The following SYTL1 variants were observed in gnomAD, a reference collection of about 807,000 sequenced individuals.
The protein encoded by SYTL1 is synaptotagmin-like protein 1.
A neutral mutation model predicts 74.6 loss-of-function variants in SYTL1; 53 were observed. The observed-to-expected ratio is 0.71, with a 90% confidence interval of 0.57 to 0.89. The LOEUF (loss-of-function observed/expected upper bound fraction) is 0.89, where lower values mean the gene tolerates loss of function less well. SYTL1 is among the 40% of genes least tolerant of loss of function. SYTL1 has a pLI of 0.00. For synonymous variants in SYTL1, 329 were observed against 324.9 expected (o/e 1.01, Z -0.14); for missense variants, 728 against 768.7 (o/e 0.95, Z 0.63).
At chr1:27,353,106 C>A in intron 13 of SYTL1, 177 bp from the exon 14 acceptor site, 1 of 659,100 alleles carries the variant, frequency 1.5e-6, no homozygotes, top group Non-Finnish European at 2.6e-6. Context: ...ACTTTTAAAG[C>A]CAGGAGACCT....
chr1:27,345,052 T>C lies in SYTL1; in HGVS notation c.-38-245T>C. ...TCTGTGTGTTCCATCGCTGCAGTCCTGTGTGGCCCTACCTCAGGGTGTGTG... is the reference window on the plus strand; with the variant it reads ...TCTGTGTGTTCCATCGCTGCAGTCCCGTGTGGCCCTACCTCAGGGTGTGTG... On this transcript the variant is annotated intron_variant, in intron 1 of 14. Coordinates refer to ENST00000616558, the MANE Select transcript of SYTL1 (RefSeq NM_001193308.2). The surrounding 1 kb of genome is among the most constrained non-coding windows in gnomAD (Gnocchi z 6.0). 3.7e-6 allele frequency: 1 copy of C among 266,970 alleles called. No individual in the cohort carries two copies. The highest frequency in any genetic ancestry group is 7.1e-6 in the Non-Finnish European group (1 of 141,242). The allele number at this position is 266,970 out of a possible 1,614,324, so 16.5% of individuals were successfully genotyped here. A position where few individuals can be genotyped will look rare whatever the true frequency, so the allele number is the denominator to read the frequency against.
rs1383019431 is a variant in SYTL1, at chr1:27,351,281, T to G, written c.1188T>G (p.Leu396=). The change falls in exon 12 of 15, where the codon CTT becomes CTG. Residue 396 remains leucine (L), a synonymous_variant. Coordinates refer to ENST00000616558, the MANE Select transcript of SYTL1 (RefSeq NM_001193308.2). The surrounding 1 kb of genome is among the most constrained non-coding windows in gnomAD (Gnocchi z 5.0). Reference sequence around the variant, plus strand: ...AGGTCCCACCCTCTCCCGACGACCTTCCGAGCCGCGGGTTACTCGCCCTGT... The same window carrying G: ...AGGTCCCACCCTCTCCCGACGACCTGCCGAGCCGCGGGTTACTCGCCCTGT... ...QPRVPPSPDD[L]PSRGLLALSL... 6.4e-7 allele frequency: 1 copy of G among 1,560,672 alleles called. No homozygotes were observed. Among genetic ancestry groups the G allele is most frequent in the African/African-American group, 1.4e-5 (1 of 73,806 alleles).
At position 27,349,925 on chromosome 1, in the gene SYTL1, C is replaced by T. The variant is rs755788640; in HGVS notation, c.748-47C>T. On this transcript the variant is annotated intron_variant, in intron 8 of 14. Transcript: ENST00000616558. ...GCCTCCGCGCTGCCCGCGGCCCCGA[C>T]GTGAGCCCTGCGAGCGGCCCTGACT... 12 of 1,557,858 alleles carry T rather than the reference C, an allele frequency of 7.7e-6. No individual in the cohort carries two copies. In the South Asian group the frequency reaches 1.3e-4, roughly 17 times the overall value.
At position 27,350,514 on chromosome 1, in the gene SYTL1, C is replaced by G. The variant is rs2015220390; in HGVS notation, c.1005+29C>G. 1.3e-6 allele frequency: 2 copies of G among 1,565,750 alleles called. No individual in the cohort carries two copies. Among genetic ancestry groups the G allele is most frequent in the African/African-American group, 2.7e-5 (2 of 74,230 alleles). On this transcript the variant is annotated intron_variant, in intron 10 of 14. Coordinates refer to ENST00000616558, the MANE Select transcript of SYTL1 (RefSeq NM_001193308.2). The surrounding 1 kb of genome is among the most constrained non-coding windows in gnomAD (Gnocchi z 6.3). ...AGGCTGTGACCACGATGCGGTTCCC[C>G]GTTAATGAACTGGACGCCCCCTTCC...
At position 27,351,143 on chromosome 1, in the gene SYTL1, G is replaced by A; in HGVS notation, c.1165-115G>A. 1.5e-6 allele frequency: 2 copies of A among 1,360,100 alleles called. No individual in the cohort carries two copies. The highest frequency in any genetic ancestry group is 2.0e-6 in the Non-Finnish European group (2 of 999,654). 84.3% of individuals were successfully genotyped at this position (1,360,100 alleles called of 1,614,324 possible). On this transcript the variant is annotated intron_variant, in intron 11 of 14. Transcript: ENST00000616558. The surrounding 1 kb of genome is among the most constrained non-coding windows in gnomAD (Gnocchi z 5.0). Reference sequence around the variant, plus strand: ...GAGGGCGCTAGGACCCCTAGGTTCTGCCCCTGCAGGCCCCGCCGTCTCTTC... The same window carrying A: ...GAGGGCGCTAGGACCCCTAGGTTCTACCCCTGCAGGCCCCGCCGTCTCTTC...
chr1:27,342,326 G>A lies in SYTL1; in HGVS notation c.-39+176G>A, dbSNP rs989401725. On this transcript the variant is annotated intron_variant, in intron 1 of 14. Coordinates refer to ENST00000616558, the MANE Select transcript of SYTL1 (RefSeq NM_001193308.2). The surrounding 1 kb of genome is among the most constrained non-coding windows in gnomAD (Gnocchi z 4.7). Reference sequence around the variant, plus strand: ...TCTTGACCAATGGGTCTGTCCCACCGTGTCAAAACAGCAGAGAAGACCAAA... The same window carrying A: ...TCTTGACCAATGGGTCTGTCCCACCATGTCAAAACAGCAGAGAAGACCAAA... The A allele has an allele frequency of 4.0e-5, 39 of 985,294 alleles. No individual in the cohort carries two copies. Among genetic ancestry groups the A allele is most frequent in the South Asian group, 1.9e-4 (4 of 21,288 alleles). 61.0% of individuals were successfully genotyped at this position (985,294 alleles called of 1,614,324 possible).
In SYTL1 at chr1:27,351,402, T is replaced by C. The variant is rs2015269723; in HGVS notation, c.1244-54T>C. 6 of 1,504,572 alleles carry C rather than the reference T, an allele frequency of 4.0e-6. No individual in the cohort carries two copies. The highest frequency in any genetic ancestry group is 4.5e-6 in the Non-Finnish European group (5 of 1,121,016). The allele number at this position is 1,504,572 out of a possible 1,614,324, so 93.2% of individuals were successfully genotyped here. A position where few individuals can be genotyped will look rare whatever the true frequency, so the allele number is the denominator to read the frequency against. ...AAAGCGGGAGACTCCAGTCCCCGGG[T>C]TTGGGGGCGGTGGACTCCATCCGTG... On this transcript the variant is annotated intron_variant, in intron 12 of 14. Coordinates refer to ENST00000616558, the MANE Select transcript of SYTL1 (RefSeq NM_001193308.2). This position sits in a 1 kb window ranked among gnomAD's most constrained non-coding sequence, Gnocchi z 5.0.
Position 27,350,418 on chromosome 1 carries a change from A to C in SYTL1, c.938A>C (p.Lys313Thr). Residue 313 changes from lysine (K) to threonine (T), a missense_variant, in exon 10 of 15, where the codon AAG (lysine) becomes ACG (threonine). Coordinates refer to ENST00000616558, the MANE Select transcript of SYTL1 (RefSeq NM_001193308.2). The surrounding 1 kb of genome is among the most constrained non-coding windows in gnomAD (Gnocchi z 6.3). ...GTCAAAAGCTACCTCCTCCCGGATA[A>C]GCAGAGCAAGCGCAAGACGGCGGTG... ...PYVKSYLLPD[K>T]QSKRKTAVKK... 6.2e-7 allele frequency: 1 copy of C among 1,614,164 alleles called. No individual in the cohort carries two copies. Among genetic ancestry groups the C allele is most frequent in the Non-Finnish European group, 8.5e-7 (1 of 1,180,020 alleles).
rs2015116266 is a variant in SYTL1, at chr1:27,348,937, G to C, written c.460-143G>C. On this transcript the variant is annotated intron_variant, in intron 5 of 14. Coordinates refer to ENST00000616558, the MANE Select transcript of SYTL1 (RefSeq NM_001193308.2). The surrounding 1 kb of genome is among the most constrained non-coding windows in gnomAD (Gnocchi z 4.1). The stretch of plus-strand genomic sequence containing the variant: ...ACTGGTCTCACCGCTCCTGCAGCTG[G>C]CTGCCAGCCCTGCCCGGAGGGCTGC... The C allele has an allele frequency of 3.1e-6, 2 of 648,158 alleles. No homozygotes were observed. Among genetic ancestry groups the C allele is most frequent in the Non-Finnish European group, 5.3e-6 (2 of 374,016 alleles). 40.2% of individuals were successfully genotyped at this position (648,158 alleles called of 1,614,324 possible). A position where few individuals can be genotyped will look rare whatever the true frequency, so the allele number is the denominator to read the frequency against.
chr1:27,349,487 C>A lies in SYTL1; in HGVS notation c.622C>A (p.Gln208Lys). The A allele has an allele frequency of 6.9e-7, 1 of 1,454,346 alleles. No individual in the cohort carries two copies. Among genetic ancestry groups the A allele is most frequent in the Non-Finnish European group, 9.1e-7 (1 of 1,103,088 alleles). The allele number at this position is 1,454,346 out of a possible 1,614,324, so 90.1% of individuals were successfully genotyped here. A position where few individuals can be genotyped will look rare whatever the true frequency, so the allele number is the denominator to read the frequency against. The part of the protein sequence containing the change: ...ASGGEQEPRP[Q>K]QAQTKAASQI... ...GGGGGGAGAGCAGGAGCCGCGGCCC[C>A]AGCAAGCCCAGGTAGGCGGGAGTGG... is the stretch of plus-strand genomic sequence containing the variant. The change falls in exon 7 of 15, where the codon CAG becomes AAG. Residue 208 changes from glutamine to lysine, a missense_variant. Physicochemically the swap from Gln to Lys is moderately conservative, Grantham distance 53. Transcript: ENST00000616558.
rs1268187912 is a variant in SYTL1 at position 27,348,169 on chromosome 1, TGAACGGTGGG to T, written c.459+167_459+176del. ...CATCACCTCCTGGGTGGAACAGTGG[TGAACGGTGGG>T]GAACGGTGGTGAATGGTGGTAAACA... On this transcript the variant is annotated intron_variant, in intron 5 of 14. Transcript: ENST00000616558. This position sits in a 1 kb window ranked among gnomAD's most constrained non-coding sequence, Gnocchi z 4.1. 6.6e-6 allele frequency among the ~76,000 whole-genome samples: 1 copy of T among 152,100 alleles called. No homozygotes were observed. The highest frequency in any genetic ancestry group is 2.4e-5 in the African/African-American group (1 of 41,404).
chr1:27,347,585 C>T lies in SYTL1; in HGVS notation c.340+16C>T, dbSNP rs1438015855. 18 of 1,612,354 alleles carry T rather than the reference C, an allele frequency of 1.1e-5. No individual in the cohort carries two copies. The highest frequency in any genetic ancestry group is 1.4e-5 in the Non-Finnish European group (17 of 1,179,284). ...AGCACCAGGGGTGAGAGGAGATCCT[C>T]GGGGCAGGGCAAGCCATGTGCCGTC... On this transcript the variant is annotated intron_variant, in intron 3 of 14. Coordinates refer to ENST00000616558, the MANE Select transcript of SYTL1 (RefSeq NM_001193308.2). This position sits in a 1 kb window ranked among gnomAD's most constrained non-coding sequence, Gnocchi z 4.9.
chr1:27,350,147 G>C lies in SYTL1; in HGVS notation c.908+15G>C, dbSNP rs2015197447. 22 of 1,398,142 alleles carry C rather than the reference G, an allele frequency of 1.6e-5. No individual in the cohort carries two copies. Among genetic ancestry groups the C allele is most frequent in the Non-Finnish European group, 2.0e-5 (22 of 1,076,654 alleles). The allele number at this position is 1,398,142 out of a possible 1,614,324, so 86.6% of individuals were successfully genotyped here. On this transcript the variant is annotated intron_variant, in intron 9 of 14. Transcript: ENST00000616558. This position sits in a 1 kb window ranked among gnomAD's most constrained non-coding sequence, Gnocchi z 6.3. The stretch of plus-strand genomic sequence containing the variant: ...CGCTCGGACCCGTGAGTGCCCCGCC[G>C]GCCAAGCGGGGCGCGGCTGTCACAG...
rs1233357156 is a variant in SYTL1 at position 27,343,731 on chromosome 1, T to C, written c.-38-1566T>C. 6.6e-6 allele frequency among the ~76,000 whole-genome samples: 1 copy of C among 152,184 alleles called. No homozygotes were observed. Among genetic ancestry groups the C allele is most frequent in the African/African-American group, 2.4e-5 (1 of 41,428 alleles). ...CAACCATCTGTTGTGTGCAAAGTAA[T>C]GGCTTTGAGGGTGACTCCCTCTCCC... is the stretch of plus-strand genomic sequence containing the variant. On this transcript the variant is annotated intron_variant, in intron 1 of 14. Transcript: ENST00000616558. This position sits in a 1 kb window ranked among gnomAD's most constrained non-coding sequence, Gnocchi z 5.2.
In SYTL1 at chr1:27,348,055, G is replaced by T; in HGVS notation, c.459+43G>T. 1 of 1,602,370 alleles carries T rather than the reference G, an allele frequency of 6.2e-7. No individual in the cohort carries two copies. Among genetic ancestry groups the T allele is most frequent in the Non-Finnish European group, 8.6e-7 (1 of 1,169,476 alleles). ...CATGTGAGTACAGTGTCCCTGGAGG[G>T]GAGGTGGAATGTGCAGGGGGCAGGG... On this transcript the variant is annotated intron_variant, in intron 5 of 14. Coordinates refer to ENST00000616558, the MANE Select transcript of SYTL1 (RefSeq NM_001193308.2). This position sits in a 1 kb window ranked among gnomAD's most constrained non-coding sequence, Gnocchi z 4.1.
rs2015387555 is a variant in SYTL1, at chr1:27,353,759, G to A, written c.1596G>A (p.Glu532=). ...LQVPWMDSTP[E]EKQLWQALLE... is the part of the protein sequence containing the mutation. ...TGCCCTGGATGGATTCCACACCTGA[G>A]GAGAAGCAGCTGTGGCAAGCCCTCC... The change falls in exon 15 of 15, where the codon GAG becomes GAA. Residue 532 remains glutamate (E), a synonymous_variant. Coordinates refer to ENST00000616558, the MANE Select transcript of SYTL1 (RefSeq NM_001193308.2). The A allele has an allele frequency of 1.2e-6, 2 of 1,613,968 alleles. No homozygotes were observed.
At position 27,345,545 on chromosome 1, in the gene SYTL1, G is replaced by T. The variant is rs1457974067; in HGVS notation, c.191+20G>T. On this transcript the variant is annotated intron_variant, in intron 2 of 14. Transcript: ENST00000616558. The surrounding 1 kb of genome is among the most constrained non-coding windows in gnomAD (Gnocchi z 6.0). Reference sequence around the variant, plus strand: ...GGTCAGGTAAGGCAGGGCAGACCCTGGCCGGGGAGCACCAAGAGGCTTGAG... The same window carrying T: ...GGTCAGGTAAGGCAGGGCAGACCCTTGCCGGGGAGCACCAAGAGGCTTGAG... The T allele has an allele frequency of 4.0e-6, 6 of 1,518,844 alleles. No homozygotes were observed. The highest frequency in any genetic ancestry group is 1.4e-5 in the African/African-American group (1 of 72,414). 94.1% of individuals were successfully genotyped at this position (1,518,844 alleles called of 1,614,324 possible).
chr1:27,349,862 G>A (rs997106222), intron 8 of SYTL1, 97 bp downstream of exon 8: 42 of 1,535,490 alleles, frequency 2.7e-5, no homozygotes, highest in Non-Finnish European at 3.6e-5. Context: ...ACCCACCGCT[G>A]CAGCCCCCCA....
Position 27,353,349 on chromosome 1 carries a change from C to T in SYTL1, c.1410C>T (p.Ser470=), listed in dbSNP as rs1164937693. 1 of 1,610,694 alleles carries T rather than the reference C, an allele frequency of 6.2e-7. No homozygotes were observed. Among genetic ancestry groups the T allele is most frequent in the East Asian group, 2.2e-5 (1 of 44,768 alleles). The change falls in exon 14 of 15, where the codon AGC becomes AGT. Residue 470 remains serine (S), a synonymous_variant. Transcript: ENST00000616558. ...QRTRVVRRSL[S]PVFNHTMVYD... ...CAAGGGTTGTGCGACGCAGCCTCAGCCCTGTGTTCAATCACACCATGGTGT... is the reference window on the plus strand; with the variant it reads ...CAAGGGTTGTGCGACGCAGCCTCAGTCCTGTGTTCAATCACACCATGGTGT...
Sources: gnomAD v4.1 joint callset for allele counts (sites outside exome capture counted in the v4.1 genomes callset) on GRCh38, gnomAD v4.1.1 for gene constraint, Gnocchi (gnomAD v3.1) non-coding constraint, MANE v1.5 for transcripts, NCBI Gene and HGNC (gene_info 2026-07-23, HGNC 2026-07-21) for gene names.